Variants in RETN observed in about 807,000 individuals in gnomAD.
RETN encodes the protein C/EBP-epsilon regulated myeloid-specific secreted cysteine-rich protein precursor 1.
Under a neutral mutation model 6.1 loss-of-function variants are expected in RETN, and 5 were observed. The ratio of observed to expected loss-of-function variants is 0.82; its 90% confidence interval spans 0.43 to 1.73. RETN has a LOEUF of 1.73. Among genes scored for constraint, RETN ranks in the 40% most tolerant of loss-of-function variants. The pLI is 0.02. For missense variants in RETN, 168 were observed against 142.5 expected (o/e 1.18, Z -0.91); for synonymous variants, 62 against 59.2 (o/e 1.05, Z -0.22).
At chr19:7,669,198 C>G (rs2032447463) in intron 1 of RETN, 77 bp downstream of exon 1, 5 of 732,096 alleles carry the variant, frequency 6.8e-6, no homozygotes, top group South Asian at 3.2e-5. Context: ...CCATCCCTGT[C>G]CCCCACATGG....
At chr19:7,669,717 A>T in intron 2 of RETN, 104 bp from the exon 3 acceptor site, 1 of 1,012,358 alleles carries the variant, frequency 9.9e-7, no homozygotes, top group Non-Finnish European at 1.5e-6. Context: ...GTGAGCTCCT[A>T]TGCCCACAGG....
intron 2 of RETN, among the ~76,000 whole-genome samples, 170 bp downstream of exon 2, chr19:7,669,614 A>G (rs944617915): frequency 6.6e-6 from 1 of 151,630 alleles, no homozygotes; most frequent in African/African-American, 2.4e-5. Context: ...GACTGTCCCC[A>G]CCTTATCCAC....
chr19:7,670,443 AT>A lies in RETN; in HGVS notation c.*95del. The A allele has an allele frequency of 1.2e-6, 1 of 847,914 alleles. No homozygotes were observed. Among genetic ancestry groups the A allele is most frequent in the Non-Finnish European group, 1.6e-6 (1 of 629,776 alleles). The allele number at this position is 847,914 out of a possible 1,614,324, so 52.5% of individuals were successfully genotyped here. A position where few individuals can be genotyped will look rare whatever the true frequency, so the allele number is the denominator to read the frequency against. Reference sequence around the variant, plus strand: ...GGAAATAAACCTGGAGATGATGATGATGATGATGATGATGATGATGGAGCGG... The same window carrying A: ...GGAAATAAACCTGGAGATGATGATGAGATGATGATGATGATGATGGAGCGG... On this transcript the variant is annotated 3_prime_UTR_variant, in exon 4 of 4. Transcript: ENST00000221515.
At position 7,669,847 on chromosome 19, in the gene RETN, C is replaced by T. The variant is rs1487609239; in HGVS notation, c.145C>T (p.Leu49=). ...LIFRAISSIG[L]ECQSVTSRGD... is the part of the protein sequence containing the mutation. ...ATTTAGGGCAATAAGCAGCATTGGC[C>T]TGGAGTGCCAGAGCGTCACCTCCAG... The change falls in exon 3 of 4, where the codon CTG becomes TTG. Residue 49 remains leucine, a synonymous_variant. Coordinates refer to ENST00000221515, the MANE Select transcript of RETN (RefSeq NM_020415.4). 1 of 1,614,024 alleles carries T rather than the reference C, an allele frequency of 6.2e-7. No homozygotes were observed. The highest frequency in any genetic ancestry group is 1.3e-5 in the African/African-American group (1 of 74,906).
chr19:7,670,090 G>T, intron 3 of RETN, 129 bp from the exon 4 acceptor site: 1 of 1,100,810 alleles, frequency 9.1e-7, no homozygotes, highest in South Asian at 1.4e-5. Flanking sequence ...CCATTCAGTG[G>T]TTGGAGCCTC....
rs765015857 is a variant in RETN at position 7,670,228 on chromosome 19, T to C, written c.206T>C (p.Val69Ala). 6 of 1,598,642 alleles carry C rather than the reference T, an allele frequency of 3.8e-6. No individual in the cohort carries two copies. The highest frequency in any genetic ancestry group is 1.7e-5 in the Admixed American group (1 of 59,588). Residue 69 changes from valine (V) to alanine (A), a missense_variant, in exon 4 of 4, where the codon GTC (valine) becomes GCC (alanine). By Grantham distance (64) the Val-to-Ala change is moderately conservative (BLOSUM62 0). Transcript: ENST00000221515. ...GTGTTCCGGGCTGCAGGCTTCGCCG[T>C]CACCGGCTGCACTTGTGGCTCCGCC... ...DLATCPRGFAVTGCTCGSACG... is the reference protein window; with the variant it reads ...DLATCPRGFAATGCTCGSACG...
chr19:7,670,305 G>A lies in RETN; in HGVS notation c.283G>A (p.Gly95Ser). 3 of 1,584,290 alleles carry A rather than the reference G, an allele frequency of 1.9e-6. No individual in the cohort carries two copies. In the South Asian group the frequency reaches 3.4e-5, roughly 18 times the overall value. The stretch of plus-strand genomic sequence containing the variant: ...GACCACATGTCACTGCCAGTGCGCG[G>A]GCATGGACTGGACCGGAGCGCGCTG... ...AETTCHCQCA[G>S]MDWTGARCCR... The change falls in exon 4 of 4, where the codon GGC becomes AGC. Residue 95 changes from glycine to serine, a missense_variant. Coordinates refer to ENST00000221515, the MANE Select transcript of RETN (RefSeq NM_020415.4).
chr19:7,669,278 G>A, intron 1 of RETN, 39 bp from the exon 2 acceptor site: 3 of 1,428,634 alleles, frequency 2.1e-6, no homozygotes, highest in Non-Finnish European at 2.0e-6. Flanking sequence ...CACAGGGCAG[G>A]GCTGATCCAG....
chr19:7,670,251 G>A lies in RETN; in HGVS notation c.229G>A (p.Ala77Thr), dbSNP rs563874618. The change falls in exon 4 of 4, where the codon GCC (alanine) becomes ACC (threonine). Residue 77 changes from alanine (A) to threonine (T), a missense_variant. Transcript: ENST00000221515. ...CGTCACCGGCTGCACTTGTGGCTCC[G>A]CCTGTGGCTCGTGGGATGTGCGCGC... ...FAVTGCTCGS[A>T]CGSWDVRAET... 2.5e-6 allele frequency: 4 copies of A among 1,602,510 alleles called. No homozygotes were observed. Among genetic ancestry groups the A allele is most frequent in the African/African-American group, 1.3e-5 (1 of 74,756 alleles).
intron 2 of RETN, 55 bp downstream of exon 2, chr19:7,669,499 C>A: frequency 3.2e-6 from 4 of 1,254,994 alleles, no homozygotes; most frequent in South Asian, 1.2e-5. Context: ...CCTCACTGAT[C>A]CCTGGCACAG....
rs2032484110 is a variant in RETN, at chr19:7,670,428, C to CT, written c.*80dup. 9 of 1,335,428 alleles carry CT rather than the reference C, an allele frequency of 6.7e-6. No individual in the cohort carries two copies. The highest frequency in any genetic ancestry group is 8.9e-6 in the Non-Finnish European group (9 of 1,011,878). The allele number at this position is 1,335,428 out of a possible 1,614,324, so 82.7% of individuals were successfully genotyped here. A position where few individuals can be genotyped will look rare whatever the true frequency, so the allele number is the denominator to read the frequency against. On this transcript the variant is annotated 3_prime_UTR_variant, in exon 4 of 4. Transcript: ENST00000221515. ...GGTTGCGGGGGAGCTGGAAATAAACCTGGAGATGATGATGATGATGATGAT... is the reference window on the plus strand; with the variant it reads ...GGTTGCGGGGGAGCTGGAAATAAACCTTGGAGATGATGATGATGATGATGAT...
In RETN at chr19:7,669,082, A is replaced by C; in HGVS notation, c.-50A>C. 2.0e-6 allele frequency: 1 copy of C among 491,498 alleles called. No individual in the cohort carries two copies. The allele number at this position is 491,498 out of a possible 1,614,324, so 30.4% of individuals were successfully genotyped here. ...TCAAAGAAAGAGCTGCGGTGCAGGA[A>C]TTCGTGTGCCGGATTTGGTTAGCTG... On this transcript the variant is annotated 5_prime_UTR_variant, in exon 1 of 4. Transcript: ENST00000221515.
At chr19:7,670,454 GAT>G (rs2032486395) in exon 4 of RETN, 15 of 1,270,042 alleles carry the variant, frequency 1.2e-5, 1 homozygote, top group Non-Finnish European at 1.6e-5. Context: ...TGATGATGAT[GAT>G]GATGATGGAG....
intron 1 of RETN, 76 bp downstream of exon 1, chr19:7,669,197 TCCCCCACATGGGGGGACAG>T: frequency 1.4e-6 from 1 of 725,798 alleles, no homozygotes; most frequent in East Asian, 2.5e-5. Context: ...TCCATCCCTG[TCCCCCACATGGGGGGACAG>T]GGGTCCAGGT....
intron 1 of RETN, 82 bp from the exon 2 acceptor site, chr19:7,669,235 A>T: frequency 1.0e-6 from 1 of 964,726 alleles, no homozygotes; most frequent in Non-Finnish European, 1.7e-6. Context: ...GTCCAGGGGC[A>T]GATCCTACTC....
At chr19:7,669,275 C>A in intron 1 of RETN, 42 bp from the exon 2 acceptor site, 1 of 1,383,072 alleles carries the variant, frequency 7.2e-7, no homozygotes, top group Non-Finnish European at 1.0e-6. Flanking sequence ...CCCCACAGGG[C>A]AGGGCTGATC....
intron 1 of RETN, 73 bp downstream of exon 1, chr19:7,669,194 C>A: frequency 1.4e-6 from 1 of 722,502 alleles, no homozygotes; most frequent in East Asian, 2.5e-5. Context: ...GCCTCCATCC[C>A]TGTCCCCCAC....
Position 7,669,058 on chromosome 19 carries a change from CAAAG to C in RETN, c.-68_-65del. The C allele has an allele frequency of 2.2e-6, 1 of 446,976 alleles. No homozygotes were observed. The highest frequency in any genetic ancestry group is 4.1e-6 in the Non-Finnish European group (1 of 243,300). 27.7% of individuals were successfully genotyped at this position (446,976 alleles called of 1,614,324 possible). On this transcript the variant is annotated 5_prime_UTR_variant, in exon 1 of 4. Transcript: ENST00000221515. ...CAGGAAGCCCCACCCCAAGAGGCCT[CAAAG>C]AAAGAGCTGCGGTGCAGGAATTCGT...
chr19:7,670,062 A>C (rs2032470832), intron 3 of RETN, among the ~76,000 whole-genome samples, 157 bp from the exon 4 acceptor site: 3 of 146,380 alleles, frequency 2.0e-5, no homozygotes, highest in African/African-American at 7.8e-5. Flanking sequence ...GTCCACCCTC[A>C]CTCCCTGCCT....
Sources: gnomAD v4.1 joint callset for allele counts (sites outside exome capture counted in the v4.1 genomes callset) on GRCh38, gnomAD v4.1.1 for gene constraint, MANE v1.5 for transcripts, NCBI Gene and HGNC (gene_info 2026-07-23, HGNC 2026-07-21) for gene names.